The following WDR72 variants were observed in gnomAD, a reference collection of about 807,000 sequenced individuals.
WDR72 encodes WD repeat-containing protein 72.
A neutral mutation model predicts 124.2 loss-of-function variants in WDR72; 120 were observed. The observed-to-expected ratio is 0.97, with a 90% CI of 0.83 to 1.12. The LOEUF is 1.12. Among genes scored for constraint, WDR72 ranks in the 50% most tolerant of loss-of-function variants. The pLI, the probability that WDR72 is intolerant of heterozygous loss-of-function variation, is 0.00. For synonymous variants in WDR72, 452 were observed against 441.7 expected (o/e 1.02, Z -0.29); for missense variants, 1,387 against 1,278.8 (o/e 1.08, Z -1.29).
At chr15:53,706,348 GTGTATATATATA>G (rs1442225539) in intron 9 of WDR72, among the ~76,000 whole-genome samples, 42 of 57,376 alleles carry the variant, frequency 7.3e-4, no homozygotes, top group African/African-American at 1.8e-3. Flanking sequence ...GTGTGTGTGT[GTGTATATATATA>G]TATATATATA....
intron 18 of WDR72, among the ~76,000 whole-genome samples, chr15:53,585,061 C>T (rs1566970682): frequency 2.0e-5 from 3 of 152,006 alleles, no homozygotes; most frequent in Admixed American, 1.3e-4. Flanking sequence ...GCCTACATCC[C>T]CCACTTCTCT....
chr15:53,555,057 G>T (rs1232002167), intron 18 of WDR72, among the ~76,000 whole-genome samples: 4 of 152,038 alleles, frequency 2.6e-5, no homozygotes, highest in Non-Finnish European at 5.9e-5. Context: ...GGGGCTATTG[G>T]TATCTTCATT....
At chr15:53,593,929 TTAGAG>T (rs1330801202) in intron 18 of WDR72, among the ~76,000 whole-genome samples, 3 of 152,066 alleles carry the variant, frequency 2.0e-5, no homozygotes, top group Non-Finnish European at 2.9e-5. Flanking sequence ...AATCTCTTTC[TTAGAG>T]TATAGTTCTT....
chr15:53,590,898 T>C (rs902127320), intron 18 of WDR72, among the ~76,000 whole-genome samples: 2 of 152,018 alleles, frequency 1.3e-5, no homozygotes, highest in African/African-American at 4.8e-5. Context: ...AAAGAAGGCA[T>C]TTGCAAGATG....
At chr15:53,576,222 T>C (rs780227824) in intron 18 of WDR72, among the ~76,000 whole-genome samples, 1 of 143,818 alleles carries the variant, frequency 7.0e-6, no homozygotes, top group African/African-American at 2.4e-5. Context: ...TACCTCAAAG[T>C]ATGTGTTTGC....
chr15:53,694,169 C>G (rs1056321585), intron 13 of WDR72, among the ~76,000 whole-genome samples: 10 of 152,168 alleles, frequency 6.6e-5, no homozygotes, highest in Non-Finnish European at 1.2e-4. Context: ...AGTTCTCCAA[C>G]AGGAGTCACG....
At chr15:53,688,635 T>C (rs946747687) in intron 13 of WDR72, among the ~76,000 whole-genome samples, 2 of 152,148 alleles carry the variant, frequency 1.3e-5, no homozygotes, top group African/African-American at 4.8e-5. Context: ...ATGGCCATAC[T>C]GCCCCAAGGT....
chr15:53,589,547 G>A (rs1369404850), intron 18 of WDR72, among the ~76,000 whole-genome samples: 1 of 151,960 alleles, frequency 6.6e-6, no homozygotes, highest in Non-Finnish European at 1.5e-5. Flanking sequence ...GGTCAGTGTC[G>A]GGAGGTCAGT....
chr15:53,631,485 G>A (rs911856213), intron 14 of WDR72, among the ~76,000 whole-genome samples: 6 of 152,192 alleles, frequency 3.9e-5, no homozygotes, highest in Non-Finnish European at 7.3e-5. Flanking sequence ...TTGCTGCAAA[G>A]ATACCTGAAA....
In WDR72 at chr15:53,515,013, A is replaced by ATT. The variant is rs1891356625; in HGVS notation, c.*2685_*2686insAA. On this transcript the variant is annotated 3_prime_UTR_variant, in exon 20 of 20. Coordinates refer to ENST00000360509, the MANE Select transcript of WDR72 (RefSeq NM_182758.4). ...TATTCCTTTGGGGGATATGCCATAT[A>ATT]TATATATATATACACACATATATAT... The ATT allele has an allele frequency of 2.1e-5, 1 of 46,772 alleles. No individual in the cohort carries two copies. Among genetic ancestry groups the ATT allele is most frequent in the Non-Finnish European group, 5.4e-5 (1 of 18,568 alleles). The allele number at this position is 46,772 out of a possible 1,614,324, so 2.9% of individuals were successfully genotyped here.
intron 14 of WDR72, among the ~76,000 whole-genome samples, chr15:53,624,682 A>G (rs2014135852): frequency 6.6e-6 from 1 of 152,244 alleles, no homozygotes; most frequent in African/African-American, 2.4e-5. Context: ...TAATTAACAT[A>G]CAACAGAGTT....
intron 11 of WDR72, among the ~76,000 whole-genome samples, chr15:53,704,225 T>C (rs1449700553): frequency 6.6e-6 from 1 of 152,226 alleles, no homozygotes; most frequent in Non-Finnish European, 1.5e-5. Flanking sequence ...GCAATTAAAG[T>C]TCAATTATTA....
chr15:53,750,862 C>A (rs1403745818), intron 1 of WDR72, among the ~76,000 whole-genome samples: 1 of 152,156 alleles, frequency 6.6e-6, no homozygotes, highest in African/African-American at 2.4e-5. Flanking sequence ...TGAATTGCTA[C>A]AAGCTCTTGA....
intron 18 of WDR72, among the ~76,000 whole-genome samples, chr15:53,582,876 CA>C (rs1284483536): frequency 1.3e-5 from 2 of 151,806 alleles, no homozygotes; most frequent in African/African-American, 4.8e-5. Flanking sequence ...TTGCCATTAA[CA>C]GTAGAGATAG....
At position 53,611,301 on chromosome 15, in the gene WDR72, A is replaced by G. The variant is rs371273624; in HGVS notation, c.2873-1709T>C. On this transcript the variant is annotated intron_variant, in intron 16 of 19. Coordinates refer to ENST00000360509, the MANE Select transcript of WDR72 (RefSeq NM_182758.4). Reference sequence around the variant, plus strand: ...ACTCCTTAGCTGAATTTCAAATGCTATAAGTGCCAACCTAAATTCCAGAGA... The same window carrying G: ...ACTCCTTAGCTGAATTTCAAATGCTGTAAGTGCCAACCTAAATTCCAGAGA... Among the ~76,000 whole-genome samples, 15 of 152,222 alleles carry G rather than the reference A, an allele frequency of 9.9e-5. No individual in the cohort carries two copies. In the South Asian group the frequency reaches 1.9e-3, roughly 19 times the overall value.
chr15:53,731,037 C>T (rs1595879481), intron 2 of WDR72, among the ~76,000 whole-genome samples: 1 of 152,266 alleles, frequency 6.6e-6, no homozygotes, highest in East Asian at 1.9e-4. Flanking sequence ...AAAATCTTTA[C>T]ATGGAGTATC....
chr15:53,708,733 T>C (rs2140539886), intron 9 of WDR72, among the ~76,000 whole-genome samples: 1 of 152,268 alleles, frequency 6.6e-6, no homozygotes, highest in East Asian at 1.9e-4. Context: ...TGCACACACA[T>C]TTTTTATTTG....
At chr15:53,571,535 G>C (rs975654082) in intron 18 of WDR72, among the ~76,000 whole-genome samples, 1 of 152,044 alleles carries the variant, frequency 6.6e-6, no homozygotes, top group African/African-American at 2.4e-5. Flanking sequence ...TGATGTTGTT[G>C]CAAATACTAG....
intron 18 of WDR72, among the ~76,000 whole-genome samples, chr15:53,583,542 C>G (rs1317763083): frequency 1.3e-5 from 2 of 151,908 alleles, no homozygotes; most frequent in Non-Finnish European, 2.9e-5. Context: ...CTGGAGACCT[C>G]TTGATATTTT....
Sources: gnomAD v4.1 joint callset for allele counts (sites outside exome capture counted in the v4.1 genomes callset) on GRCh38, gnomAD v4.1.1 for gene constraint, MANE v1.5 for transcripts, NCBI Gene and HGNC (gene_info 2026-07-23, HGNC 2026-07-21) for gene names.